SNTB2: variants seen among roughly 807,000 people sequenced by gnomAD.
The protein encoded by SNTB2 is beta-2-syntrophin.
A neutral mutation model predicts 46.2 loss-of-function variants in SNTB2; 34 were observed. That is an observed-to-expected ratio of 0.74 (90% confidence interval 0.56 to 0.98). The LOEUF is 0.98. Among genes scored for constraint, SNTB2 ranks in the 50% least tolerant of loss-of-function variants. The pLI, the probability that SNTB2 is intolerant of heterozygous loss-of-function variation, is 0.00. For synonymous variants in SNTB2, 290 were observed against 312.6 expected (o/e 0.93, Z 0.76); for missense variants, 603 against 731.4 (o/e 0.82, Z 2.02).
intron 5 of SNTB2, among the ~76,000 whole-genome samples, chr16:69,292,705 G>A (rs928880688): frequency 2.7e-5 from 4 of 149,364 alleles, no homozygotes; most frequent in East Asian, 2.0e-4. Context: ...CACCCACCTC[G>A]GCCTCCCAAA....
At position 69,284,090 on chromosome 16, in the gene SNTB2, A is replaced by G. The variant is rs976956173; in HGVS notation, c.1191A>G (p.Gly397=). The part of the protein sequence containing the change: ...SGSGCRSPSL[G]SDLTFATRTG... ...CCGGATGTCGATCCCCCTCCCTTGG[A>G]TCTGACCTTACATTTGCTACCAGGA... Residue 397 remains glycine (G), a synonymous_variant, in exon 5 of 7, where the codon GGA becomes GGG. Transcript: ENST00000336278. 1.2e-6 allele frequency: 2 copies of G among 1,613,638 alleles called. No homozygotes were observed. Among genetic ancestry groups the G allele is most frequent in the African/African-American group, 2.7e-5 (2 of 74,822 alleles).
chr16:69,275,657 A>G (rs958203955), intron 4 of SNTB2, among the ~76,000 whole-genome samples: 1 of 152,162 alleles, frequency 6.6e-6, no homozygotes, highest in Non-Finnish European at 1.5e-5. Flanking sequence ...AGTGTTTTTA[A>G]TGTAGGGGAA....
Position 69,299,775 on chromosome 16 carries a change from G to C in SNTB2, c.1530+1G>C. Reference sequence around the variant, plus strand: ...TTTTGGTGGTCCCGAGGGAGAACTGGTAAGAGTGTTTCTGAAACACATGTT... The same window carrying C: ...TTTTGGTGGTCCCGAGGGAGAACTGCTAAGAGTGTTTCTGAAACACATGTT... On this transcript the variant is annotated splice_donor_variant, in intron 6 of 6. Coordinates refer to ENST00000336278, the MANE Select transcript of SNTB2 (RefSeq NM_006750.4). LOFTEE classifies it high-confidence loss of function. 1.2e-6 allele frequency: 2 copies of C among 1,613,252 alleles called. No homozygotes were observed. The highest frequency in any genetic ancestry group is 8.5e-7 in the Non-Finnish European group (1 of 1,179,466).
intron 1 of SNTB2, among the ~76,000 whole-genome samples, chr16:69,242,144 C>G (rs7199566): frequency 0.27 from 41,340 of 151,942 alleles, 6,215 homozygotes; most frequent in African/African-American, 0.39. Flanking sequence ...GTTTGAGCAA[C>G]AGGCTGGGTG....
At chr16:69,299,832 A>C (rs1965262424) in intron 6 of SNTB2, 58 bp downstream of exon 6, 2 of 1,514,500 alleles carry the variant, frequency 1.3e-6, no homozygotes, top group South Asian at 1.2e-5. Context: ...CCTTCTCATT[A>C]CTTCTTACCC....
At position 69,270,259 on chromosome 16, in the gene SNTB2, C is replaced by A. The variant is rs777070038; in HGVS notation, c.1122C>A (p.Cys374Ter). 1 of 1,614,020 alleles carries A rather than the reference C, an allele frequency of 6.2e-7. No homozygotes were observed. Among genetic ancestry groups the A allele is most frequent in the Non-Finnish European group, 8.5e-7 (1 of 1,179,990 alleles). The change falls in exon 4 of 7, where the codon TGC becomes TGA. Residue 374 changes from cysteine (C) to a stop codon, truncating the protein, a stop_gained. Transcript: ENST00000336278. LOFTEE classifies it high-confidence loss of function. ...CAAGAGATGCCTGGGCGTCACCATG[C>A]CACAGCTACCCACTTGTTGCCACCA... ...PWTRDAWASP[C>*]HSYPLVATRL...
intron 1 of SNTB2, among the ~76,000 whole-genome samples, chr16:69,245,032 T>G (rs1964655769): frequency 6.6e-6 from 1 of 152,178 alleles, no homozygotes; most frequent in Non-Finnish European, 1.5e-5. Flanking sequence ...GAAGAGAGAT[T>G]AAGTTTGTTC....
chr16:69,247,025 G>A (rs1023686242), intron 2 of SNTB2, among the ~76,000 whole-genome samples: 17 of 148,686 alleles, frequency 1.1e-4, no homozygotes, highest in Non-Finnish European at 2.1e-4. Context: ...ATGTGCACAT[G>A]TACCCTAAAA....
chr16:69,301,171 T>C lies in SNTB2; in HGVS notation c.*247T>C, dbSNP rs1164821589. On this transcript the variant is annotated 3_prime_UTR_variant, in exon 7 of 7. Coordinates refer to ENST00000336278, the MANE Select transcript of SNTB2 (RefSeq NM_006750.4). ...GTTGATTTATTCTCATTTCAAAATA[T>C]GGTTTATGAGTAATTAGGTTTATTT... 2.6e-6 allele frequency: 1 copy of C among 380,284 alleles called. No individual in the cohort carries two copies. Among genetic ancestry groups the C allele is most frequent in the Non-Finnish European group, 4.8e-6 (1 of 207,408 alleles). The allele number at this position is 380,284 out of a possible 1,614,324, so 23.6% of individuals were successfully genotyped here.
chr16:69,234,910 C>T (rs1434512280), intron 1 of SNTB2, among the ~76,000 whole-genome samples: 3 of 151,874 alleles, frequency 2.0e-5, no homozygotes, highest in African/African-American at 7.3e-5. Flanking sequence ...ACCATGTTGG[C>T]CAGGCTGGTC....
chr16:69,225,902 G>A (rs1049275879), intron 1 of SNTB2, among the ~76,000 whole-genome samples: 2 of 151,768 alleles, frequency 1.3e-5, no homozygotes, highest in Admixed American at 1.3e-4. Context: ...TGAGTAGCTG[G>A]GATTACAGGC....
chr16:69,280,999 G>A (rs1026820333), intron 4 of SNTB2, among the ~76,000 whole-genome samples: 1 of 152,108 alleles, frequency 6.6e-6, no homozygotes, highest in Admixed American at 6.5e-5. Context: ...GGGTTTCACC[G>A]TGTTAGCCAG....
At chr16:69,283,574 G>A (rs918019295) in intron 4 of SNTB2, among the ~76,000 whole-genome samples, 1 of 152,098 alleles carries the variant, frequency 6.6e-6, no homozygotes. Flanking sequence ...TGGCTGAAAT[G>A]TTTGAAATGC....
chr16:69,246,196 T>C (rs963426540), intron 2 of SNTB2, among the ~76,000 whole-genome samples: 1 of 152,218 alleles, frequency 6.6e-6, no homozygotes, highest in Non-Finnish European at 1.5e-5. Flanking sequence ...TGGCTGTGGG[T>C]TTGTCATAGA....
At chr16:69,231,310 C>T (rs1204778885) in intron 1 of SNTB2, among the ~76,000 whole-genome samples, 1 of 151,994 alleles carries the variant, frequency 6.6e-6, no homozygotes, top group Non-Finnish European at 1.5e-5. Flanking sequence ...ATGTGGCCCG[C>T]GGACGAGGTG....
At position 69,199,595 on chromosome 16, in the gene SNTB2, C is replaced by CAAAAAAA. The variant is rs60011703; in HGVS notation, c.580+11859_580+11865dup. ...TGGACAACAGAGTGAAACACTGCCT[C>CAAAAAAA]AAAAAAAAAAAAAAAAGGCGATCTT... On this transcript the variant is annotated intron_variant, in intron 1 of 6. Transcript: ENST00000336278. Among the ~76,000 whole-genome samples, 344 of 76,820 alleles carry CAAAAAAA rather than the reference C, an allele frequency of 4.5e-3. 13 individuals carry two copies. Among genetic ancestry groups the CAAAAAAA allele is most frequent in the African/African-American group, 0.017 (326 of 18,844 alleles). The allele number at this position is 76,820 out of a possible 152,430, so 50.4% of individuals were successfully genotyped here. A position where few individuals can be genotyped will look rare whatever the true frequency, so the allele number is the denominator to read the frequency against.
intron 1 of SNTB2, among the ~76,000 whole-genome samples, chr16:69,208,724 G>A (rs1171807314): frequency 6.6e-6 from 1 of 151,808 alleles, no homozygotes; most frequent in African/African-American, 2.4e-5. Context: ...GGCTGGGCGC[G>A]GTGGCTCACG....
chr16:69,258,431 G>T (rs1490856515), intron 2 of SNTB2, among the ~76,000 whole-genome samples: 2 of 151,604 alleles, frequency 1.3e-5, no homozygotes, highest in African/African-American at 4.8e-5. Context: ...ATTTTCTAAA[G>T]GTTACTTTTG....
chr16:69,292,411 ATATATATT>A lies in SNTB2; in HGVS notation c.1346-7178_1346-7171del, dbSNP rs1965177986. ...TATATTATATATATATATATATTAT[ATATATATT>A]ATATATATATATATATTATATATAT... On this transcript the variant is annotated intron_variant, in intron 5 of 6. Transcript: ENST00000336278. Among the ~76,000 whole-genome samples, 9 of 22,982 alleles carry A rather than the reference ATATATATT, an allele frequency of 3.9e-4. 3 individuals are homozygous for A. The highest frequency in any genetic ancestry group is 6.2e-4 in the Non-Finnish European group (9 of 14,562). 15.1% of individuals were successfully genotyped at this position (22,982 alleles called of 152,430 possible). A position where few individuals can be genotyped will look rare whatever the true frequency, so the allele number is the denominator to read the frequency against.
Sources: gnomAD v4.1 joint callset for allele counts (sites outside exome capture counted in the v4.1 genomes callset) on GRCh38, gnomAD v4.1.1 for gene constraint, MANE v1.5 for transcripts, NCBI Gene and HGNC (gene_info 2026-07-23, HGNC 2026-07-21) for gene names.